The following NRK variants were observed in gnomAD, a reference collection of about 807,000 sequenced individuals.
NRK encodes the protein nik-related protein kinase.
NRK carries 67 observed loss-of-function variants against 125.2 expected under a neutral mutation model. That is an observed-to-expected ratio of 0.54 (90% confidence interval 0.44 to 0.66). The LOEUF (loss-of-function observed/expected upper bound fraction) is 0.66, where lower values mean the gene tolerates loss of function less well. Ranked by LOEUF, NRK falls within the 30% of genes least tolerant of loss-of-function variation. NRK has a pLI of 0.00. For missense variants in NRK, 1,224 were observed against 1,192.9 expected, an observed-to-expected ratio of 1.03 and a Z score of -0.38; for synonymous variants, 458 against 429.0, an observed-to-expected ratio of 1.07 and a Z score of -0.84.
At chrX:105,927,540 A>G (rs1266976707) in intron 19 of NRK, among the ~76,000 whole-genome samples, 1 of 110,946 alleles carries the variant, frequency 9.0e-6, no homozygotes, top group African/African-American at 3.3e-5. Flanking sequence ...GAAAGTGGAT[A>G]TTTTTGTCTT....
At chrX:105,921,654 T>C (rs914750396) in intron 16 of NRK, among the ~76,000 whole-genome samples, 1 of 109,016 alleles carries the variant, frequency 9.2e-6, no homozygotes, top group African/African-American at 3.3e-5. Context: ...TCTACCTGGC[T>C]ATCAGTTGGA....
chrX:105,838,945 C>T (rs1417447418), intron 2 of NRK, among the ~76,000 whole-genome samples: 2 of 110,483 alleles, frequency 1.8e-5, no homozygotes, highest in Non-Finnish European at 3.8e-5. Flanking sequence ...TAAATCACCG[C>T]CTGACACATT....
intron 12 of NRK, 107 bp from the exon 13 acceptor site, chrX:105,908,620 T>G (rs1462280432): frequency 9.6e-7 from 1 of 1,041,698 alleles, no homozygotes; most frequent in Non-Finnish European, 1.3e-6. Flanking sequence ...TGAAGGTATC[T>G]TCATTGCAGA....
chrX:105,890,674 A>T (rs1285594126), intron 5 of NRK, among the ~76,000 whole-genome samples: 1 of 111,493 alleles, frequency 9.0e-6, no homozygotes, highest in African/African-American at 3.3e-5. Context: ...CCTTTATAAA[A>T]CCATTAATCT....
intron 19 of NRK, among the ~76,000 whole-genome samples, chrX:105,931,359 A>G (rs1432981520): frequency 8.9e-6 from 1 of 111,783 alleles, no homozygotes; most frequent in Non-Finnish European, 1.9e-5. Context: ...AGCTTAGGTC[A>G]TGGGTTGGTG....
intron 15 of NRK, among the ~76,000 whole-genome samples, chrX:105,916,893 A>T (rs1000547764): frequency 8.9e-6 from 1 of 111,896 alleles, no homozygotes; most frequent in Non-Finnish European, 1.9e-5. Context: ...ATATAGTTAA[A>T]TTTAAAAAGT....
chrX:105,954,548 ATTATC>A (rs1259016243), intron 28 of NRK, among the ~76,000 whole-genome samples: 1 of 110,443 alleles, frequency 9.1e-6, no homozygotes, highest in African/African-American at 3.3e-5. Flanking sequence ...AATTTCAAAT[ATTATC>A]TTTTATCAAG....
Position 105,900,690 on chromosome X carries a change from G to T in NRK, c.766+18G>T. The T allele has an allele frequency of 9.8e-7, 1 of 1,019,426 alleles. No individual in the cohort carries two copies. Among genetic ancestry groups the T allele is most frequent in the African/African-American group, 1.8e-5 (1 of 54,136 alleles). The allele number at this position is 1,019,426 out of a possible 1,213,427, so 84.0% of individuals were successfully genotyped here. On this transcript the variant is annotated intron_variant, in intron 9 of 28. Coordinates refer to ENST00000243300, the MANE Select transcript of NRK (RefSeq NM_198465.4). ...AGCCCCTCGTGAGTAAAAAATGTTT[G>T]ATATTTGTTAAAGATTAGGGAAATG... is the stretch of plus-strand genomic sequence containing the variant.
chrX:105,851,145 T>C (rs975170799), intron 2 of NRK, among the ~76,000 whole-genome samples: 3 of 112,057 alleles, frequency 2.7e-5, no homozygotes, highest in Non-Finnish European at 3.8e-5. Context: ...TGCCTTCTGA[T>C]GGAACAAAAC....
intron 9 of NRK, 127 bp downstream of exon 9, chrX:105,900,799 G>A: frequency 2.3e-6 from 1 of 426,737 alleles, no homozygotes; most frequent in Non-Finnish European, 4.1e-6. Flanking sequence ...GGCCACACAG[G>A]TGTCATACTA....
intron 1 of NRK, among the ~76,000 whole-genome samples, chrX:105,830,159 T>TGAAGAAACCCCGTCTCTGCTAA (rs1475366933): frequency 2.8e-5 from 3 of 106,212 alleles, no homozygotes; most frequent in African/African-American, 1.0e-4. Flanking sequence ...CTGACCAACA[T>TGAAGAAACCCCGTCTCTGCTAA]GAAGAAACCC....
intron 2 of NRK, among the ~76,000 whole-genome samples, chrX:105,862,176 A>G (rs1213470229): frequency 8.9e-6 from 1 of 112,219 alleles, no homozygotes; most frequent in African/African-American, 3.2e-5. Flanking sequence ...GCTGTAAAAC[A>G]GTTATTGAAA....
At chrX:105,906,054 G>C (rs920629314) in intron 10 of NRK, among the ~76,000 whole-genome samples, 1 of 111,665 alleles carries the variant, frequency 9.0e-6, no homozygotes, top group African/African-American at 3.3e-5. Context: ...GAAAAATACA[G>C]AGTATGACTG....
rs1458018757 is a variant in NRK, at chrX:105,957,087, T to A, written c.*1487T>A. 5.3e-5 allele frequency: 6 copies of A among 112,497 alleles called. No homozygotes were observed. Among genetic ancestry groups the A allele is most frequent in the Admixed American group, 3.8e-4 (4 of 10,575 alleles). The allele number at this position is 112,497 out of a possible 1,213,427, so 9.3% of individuals were successfully genotyped here. A position where few individuals can be genotyped will look rare whatever the true frequency, so the allele number is the denominator to read the frequency against. ...ACACTTAGTGCTAGAAATGAAGATT[T>A]GGATTTTCCTAACAACTTACATCAA... On this transcript the variant is annotated 3_prime_UTR_variant, in exon 29 of 29. Coordinates refer to ENST00000243300, the MANE Select transcript of NRK (RefSeq NM_198465.4).
At chrX:105,916,702 T>C (rs169675) in intron 15 of NRK, among the ~76,000 whole-genome samples, 22,287 of 110,932 alleles carry the variant, frequency 0.2, 1,652 homozygotes, top group Middle Eastern at 0.32. Flanking sequence ...TGGATTGTCA[T>C]GGTCGAACTG....
chrX:105,847,507 GC>G (rs955146375), intron 2 of NRK, among the ~76,000 whole-genome samples: 3 of 112,036 alleles, frequency 2.7e-5, no homozygotes, highest in African/African-American at 9.7e-5. Context: ...ACAGCAGCAT[GC>G]CCAGTGCACA....
intron 6 of NRK, 87 bp downstream of exon 6, chrX:105,894,029 A>G: frequency 2.0e-6 from 1 of 487,878 alleles, no homozygotes; most frequent in East Asian, 3.9e-5. Context: ...CTCACATCAG[A>G]TAGTTTAGGT....
chrX:105,927,931 G>T (rs1267120544), intron 19 of NRK, among the ~76,000 whole-genome samples: 1 of 111,028 alleles, frequency 9.0e-6, no homozygotes, highest in Admixed American at 9.6e-5. Context: ...ATCTTGGCTT[G>T]TAGTTTTTGT....
chrX:105,957,328 T>C lies in NRK; in HGVS notation c.*1728T>C, dbSNP rs2040990303. The C allele has an allele frequency of 9.0e-6, 1 of 110,855 alleles. No individual in the cohort carries two copies. The highest frequency in any genetic ancestry group is 1.9e-5 in the Non-Finnish European group (1 of 52,850). The allele number at this position is 110,855 out of a possible 1,213,427, so 9.1% of individuals were successfully genotyped here. The stretch of plus-strand genomic sequence containing the variant: ...GTCAAATTTTTTTTCTTAGAAGTAG[T>C]CTTCATTATTATAAATTTGTACACC... On this transcript the variant is annotated 3_prime_UTR_variant, in exon 29 of 29. Transcript: ENST00000243300.
Sources: allele counts gnomAD v4.1 joint callset (sites outside exome capture counted in the v4.1 genomes callset), GRCh38; gene constraint gnomAD v4.1.1; transcripts MANE v1.5; gene names NCBI Gene and HGNC (gene_info 2026-07-23, HGNC 2026-07-21).